Variants in SLC15A5 observed in about 807,000 individuals in gnomAD.
SLC15A5 encodes the protein Peptide/histidine transporter ENSP00000340402.
In SLC15A5, 58 loss-of-function variants were observed where a neutral mutation model predicts 56.1. The ratio of observed to expected loss-of-function variants is 1.03; its 90% CI spans 0.84 to 1.29. SLC15A5 has a LOEUF of 1.29. SLC15A5 is among the 50% of genes most tolerant of loss of function. The probability of loss-of-function intolerance (pLI) is 0.00; values close to 1 mark genes in which losing one functional copy is unlikely to be tolerated. For synonymous variants in SLC15A5, 264 were observed against 250.5 expected (o/e 1.05, Z -0.51); for missense variants, 681 against 672.1 (o/e 1.01, Z -0.15).
At chr12:16,202,173 T>G (rs1428483835) in intron 7 of SLC15A5, among the ~76,000 whole-genome samples, 1 of 152,072 alleles carries the variant, frequency 6.6e-6, no homozygotes, top group Non-Finnish European at 1.5e-5. Context: ...ACCCACAGAT[T>G]GGGAAAAATA....
intron 1 of SLC15A5, among the ~76,000 whole-genome samples, chr12:16,276,367 C>T (rs1864820915): frequency 6.6e-6 from 1 of 152,028 alleles, no homozygotes; most frequent in Non-Finnish European, 1.5e-5. Context: ...TATTGGTGAA[C>T]AGCATGCTAT....
At position 16,239,685 on chromosome 12, in the gene SLC15A5, G is replaced by T. The variant is rs927042103; in HGVS notation, c.1158C>A (p.Cys386Ter). The T allele has an allele frequency of 7.0e-5, 108 of 1,536,024 alleles. No individual in the cohort carries two copies. The highest frequency in any genetic ancestry group is 8.7e-5 in the Non-Finnish European group (100 of 1,146,514). Reference protein sequence around the residue: ...SKRVGSFLSTCIIAGNLFAAL... With the variant: ...SKRVGSFLST ...AAATGGTTAAATTGTACTTACTGAT[G>T]CATGTTGACAGAAATGATCCAACTC... Residue 386 changes from cysteine (C) to a stop codon, truncating the protein, a stop_gained, in exon 5 of 9, where the codon TGC becomes TGA. Coordinates refer to ENST00000344941, the MANE Select transcript of SLC15A5 (RefSeq NM_001170798.1). LOFTEE classifies it high-confidence loss of function.
chr12:16,190,787 C>A, intron 8 of SLC15A5, among the ~76,000 whole-genome samples: 1 of 152,074 alleles, frequency 6.6e-6, no homozygotes, highest in East Asian at 1.9e-4. Flanking sequence ...GCCTGAACAA[C>A]TCTGGTCATT....
At chr12:16,255,143 G>C (rs1238586772) in intron 3 of SLC15A5, among the ~76,000 whole-genome samples, 2 of 151,912 alleles carry the variant, frequency 1.3e-5, no homozygotes, top group South Asian at 2.1e-4. Flanking sequence ...ACAATAAATA[G>C]TCCTGATAGC....
chr12:16,211,842 C>T (rs1864083918), intron 7 of SLC15A5, among the ~76,000 whole-genome samples: 1 of 152,176 alleles, frequency 6.6e-6, no homozygotes, highest in South Asian at 2.1e-4. Flanking sequence ...GAAAATGTCA[C>T]TCTAACAGTT....
chr12:16,263,747 C>T (rs766188797), intron 2 of SLC15A5, among the ~76,000 whole-genome samples: 4 of 152,146 alleles, frequency 2.6e-5, no homozygotes, highest in Non-Finnish European at 5.9e-5. Context: ...CCAGCCATAA[C>T]TAAAAGGGGC....
rs562657647 is a variant in SLC15A5 at position 16,212,315 on chromosome 12, C to CT, written c.1483+4577dup. The stretch of plus-strand genomic sequence containing the variant: ...TCTGAGAAAAGTGAAGTACAATTTC[C>CT]TTTTTTTATTAAGAAAAACCAGTTT... On this transcript the variant is annotated intron_variant, in intron 7 of 8. Coordinates refer to ENST00000344941, the MANE Select transcript of SLC15A5 (RefSeq NM_001170798.1). Among the ~76,000 whole-genome samples the CT allele has an allele frequency of 1.8e-3, 280 of 152,154 alleles. 6 individuals carry two copies. In the East Asian group the frequency reaches 0.028, roughly 15 times the overall value.
intron 2 of SLC15A5, among the ~76,000 whole-genome samples, chr12:16,270,485 C>A (rs542028076): frequency 6.6e-6 from 1 of 152,264 alleles, no homozygotes; most frequent in Admixed American, 6.5e-5. Flanking sequence ...TGACCTCCTC[C>A]TAAATGGGTT....
In SLC15A5 at chr12:16,229,326, A is replaced by C. The variant is rs540173963; in HGVS notation, c.1163-4724T>G. Among the ~76,000 whole-genome samples the C allele has an allele frequency of 3.3e-5, 5 of 152,148 alleles. No homozygotes were observed. The East Asian group carries it at 9.7e-4, about 29-fold the overall frequency. On this transcript the variant is annotated intron_variant, in intron 5 of 8. Transcript: ENST00000344941. The stretch of plus-strand genomic sequence containing the variant: ...CCAGGTTTCAGCCACAGTAATCTTC[A>C]TCTTTCTTGAATATCTTAAACTCTT...
At chr12:16,221,216 G>A (rs537116753) in intron 6 of SLC15A5, among the ~76,000 whole-genome samples, 72 of 152,072 alleles carry the variant, frequency 4.7e-4, no homozygotes, top group Admixed American at 1.4e-3. Flanking sequence ...TGTACTTTTC[G>A]GAAAGGAGAA....
chr12:16,229,567 A>G (rs1197971180), intron 5 of SLC15A5, among the ~76,000 whole-genome samples: 1 of 151,176 alleles, frequency 6.6e-6, no homozygotes, highest in Non-Finnish European at 1.5e-5. Flanking sequence ...ATTCACAAGA[A>G]TTGGATCTAA....
chr12:16,215,494 T>C (rs1350630704), intron 7 of SLC15A5, among the ~76,000 whole-genome samples: 2 of 152,200 alleles, frequency 1.3e-5, no homozygotes, highest in South Asian at 4.1e-4. Context: ...GGTGTGAATA[T>C]AGGTAAGACT....
chr12:16,199,750 TA>T (rs1335268506), intron 7 of SLC15A5, among the ~76,000 whole-genome samples: 3 of 152,084 alleles, frequency 2.0e-5, no homozygotes, highest in Non-Finnish European at 4.4e-5. Flanking sequence ...AAAAATTTTT[TA>T]AAATAATAAA....
intron 3 of SLC15A5, among the ~76,000 whole-genome samples, chr12:16,245,737 T>C (rs554393223): frequency 4.6e-5 from 7 of 152,332 alleles, no homozygotes; most frequent in Admixed American, 2.6e-4. Flanking sequence ...AAAATGTTTG[T>C]GTTTCTCCAA....
intron 5 of SLC15A5, among the ~76,000 whole-genome samples, chr12:16,229,240 G>A (rs1864271670): frequency 6.6e-6 from 1 of 152,190 alleles, no homozygotes; most frequent in Admixed American, 6.5e-5. Context: ...AACATGGCCT[G>A]TGTGATCTTG....
chr12:16,224,671 A>G (rs1591647494), intron 5 of SLC15A5, 69 bp from the exon 6 acceptor site: 2 of 1,379,304 alleles, frequency 1.5e-6, no homozygotes, highest in Non-Finnish European at 1.9e-6. Context: ...ATAAGCCATA[A>G]CATTTCTTAC....
chr12:16,196,428 G>A lies in SLC15A5; in HGVS notation c.1484-1975C>T, dbSNP rs1385545230. Reference sequence around the variant, plus strand: ...TGTGCCCGTGCATGTGTGCACACAGGAACTAAACATTTGATTGTACTTGAG... The same window carrying A: ...TGTGCCCGTGCATGTGTGCACACAGAAACTAAACATTTGATTGTACTTGAG... On this transcript the variant is annotated intron_variant, in intron 7 of 8. Coordinates refer to ENST00000344941, the MANE Select transcript of SLC15A5 (RefSeq NM_001170798.1). This position sits in a 1 kb window ranked among gnomAD's most constrained non-coding sequence, Gnocchi z 4.0. Among the ~76,000 whole-genome samples, 2 of 151,862 alleles carry A rather than the reference G, an allele frequency of 1.3e-5. No homozygotes were observed. Among genetic ancestry groups the A allele is most frequent in the Non-Finnish European group, 2.9e-5 (2 of 67,898 alleles).
intron 5 of SLC15A5, among the ~76,000 whole-genome samples, chr12:16,225,903 C>A (rs1864236727): frequency 6.6e-6 from 1 of 152,168 alleles, no homozygotes; most frequent in East Asian, 1.9e-4. Flanking sequence ...TAGGCTGTGG[C>A]CTCACAAAGG....
chr12:16,241,460 A>C (rs1243641182), intron 4 of SLC15A5, among the ~76,000 whole-genome samples: 1 of 152,220 alleles, frequency 6.6e-6, no homozygotes, highest in Non-Finnish European at 1.5e-5. Flanking sequence ...TTAACTGCGC[A>C]AACACAGGAC....
Sources: gnomAD v4.1 joint callset for allele counts (sites outside exome capture counted in the v4.1 genomes callset) on GRCh38, gnomAD v4.1.1 for gene constraint, Gnocchi (gnomAD v3.1) non-coding constraint, MANE v1.5 for transcripts, NCBI Gene and HGNC (gene_info 2026-07-23, HGNC 2026-07-21) for gene names.